AFG2A: variants seen among roughly 807,000 people sequenced by gnomAD.
The protein encoded by AFG2A is AAA ATPase AFG2A.
chr4:122,955,238 A>C, the AFG2A span, among the ~76,000 whole-genome samples: 1 of 151,752 alleles, frequency 6.6e-6, no homozygotes, highest in Non-Finnish European at 1.5e-5. Context: ...TTTATTTGGC[A>C]CCCTCCGTGC....
chr4:123,134,091 T>C, the AFG2A span, among the ~76,000 whole-genome samples: 1 of 152,184 alleles, frequency 6.6e-6, no homozygotes, highest in Non-Finnish European at 1.5e-5. Flanking sequence ...CTCTATTGTT[T>C]CTTTGGTGTG....
the AFG2A span, among the ~76,000 whole-genome samples, chr4:123,233,260 A>AT: frequency 7.9e-5 from 12 of 150,944 alleles, no homozygotes; most frequent in East Asian, 2.4e-3. Context: ...CTTTAAAAAA[A>AT]TTATGTACAC....
the AFG2A span, among the ~76,000 whole-genome samples, chr4:123,100,863 C>G: frequency 6.6e-6 from 1 of 151,918 alleles, no homozygotes; most frequent in South Asian, 2.1e-4. Flanking sequence ...ATTAGCTCCT[C>G]TAAGTTTCTC....
chr4:123,133,399 A>C, the AFG2A span, among the ~76,000 whole-genome samples: 2 of 152,120 alleles, frequency 1.3e-5, no homozygotes, highest in Admixed American at 6.6e-5. Context: ...CTCCTGTAAC[A>C]ATCTGCAGTT....
the AFG2A span, among the ~76,000 whole-genome samples, chr4:123,302,131 C>T: frequency 2.0e-5 from 3 of 152,102 alleles, no homozygotes; most frequent in African/African-American, 4.8e-5. Flanking sequence ...TCCCCCGAGC[C>T]GCTTCCTCCC....
chr4:123,229,765 G>A, the AFG2A span, among the ~76,000 whole-genome samples: 1 of 151,888 alleles, frequency 6.6e-6, no homozygotes, highest in South Asian at 2.1e-4. Flanking sequence ...ATACCTGTAT[G>A]CTGTGTCAGT....
At chr4:123,186,700 A>C in the AFG2A span, among the ~76,000 whole-genome samples, 1 of 152,188 alleles carries the variant, frequency 6.6e-6, no homozygotes, top group African/African-American at 2.4e-5. Flanking sequence ...TAAAAGGAAA[A>C]AATAAAAACT....
chr4:122,992,976 A>ATG, the AFG2A span, among the ~76,000 whole-genome samples: 185 of 142,668 alleles, frequency 1.3e-3, 1 homozygote, highest in African/African-American at 3.7e-3. Flanking sequence ...GTGTGTGTGT[A>ATG]TGTGTGTGTG....
the AFG2A span, among the ~76,000 whole-genome samples, chr4:122,971,234 C>T: frequency 3.3e-5 from 5 of 152,074 alleles, no homozygotes; most frequent in African/African-American, 9.7e-5. Context: ...TAGTGGGACA[C>T]CATCTCTACA....
the AFG2A span, among the ~76,000 whole-genome samples, chr4:122,956,818 TG>T: frequency 6.6e-6 from 1 of 152,198 alleles, no homozygotes; most frequent in Non-Finnish European, 1.5e-5. Context: ...TACTAGTGTA[TG>T]TTGTATTATG....
the AFG2A span, among the ~76,000 whole-genome samples, chr4:123,169,311 CA>C: frequency 3.9e-5 from 6 of 152,100 alleles, no homozygotes; most frequent in Non-Finnish European, 8.8e-5. Context: ...AGATTTTAAT[CA>C]ATGAGTTTCA....
chr4:122,923,375 C>A, the AFG2A span: 1 of 1,593,254 alleles, frequency 6.3e-7, no homozygotes. Context: ...CTCAGTGATA[C>A]TGACTTGGGG....
the AFG2A span, among the ~76,000 whole-genome samples, chr4:123,085,461 G>T: frequency 2.0e-5 from 3 of 151,952 alleles, no homozygotes; most frequent in Admixed American, 1.3e-4. Context: ...ACCCCTTTTG[G>T]TCTCTGAGAA....
At chr4:123,043,505 A>G in the AFG2A span, among the ~76,000 whole-genome samples, 2 of 152,206 alleles carry the variant, frequency 1.3e-5, no homozygotes, top group Non-Finnish European at 2.9e-5. Flanking sequence ...AAGATAAAAA[A>G]TATAAACTTT....
chr4:123,123,951 CAAAA>C, the AFG2A span, among the ~76,000 whole-genome samples: 4 of 35,774 alleles, frequency 1.1e-4, no homozygotes, highest in Admixed American at 4.0e-4. Flanking sequence ...AACTCCGTCT[CAAAA>C]AAAAAAAAAA....
At chr4:122,934,374 A>G in the AFG2A span, 1 of 1,614,242 alleles carries the variant, frequency 6.2e-7, no homozygotes, top group Non-Finnish European at 8.5e-7. Context: ...ACAGAATTAC[A>G]AATAAAGCCA....
At chr4:123,302,190 A>T in the AFG2A span, among the ~76,000 whole-genome samples, 2 of 152,136 alleles carry the variant, frequency 1.3e-5, no homozygotes, top group Non-Finnish European at 2.9e-5. Context: ...AGACTTGGGG[A>T]GGAGTCTTGA....
At chr4:122,999,018 A>G in the AFG2A span, among the ~76,000 whole-genome samples, 1 of 151,860 alleles carries the variant, frequency 6.6e-6, no homozygotes, top group Non-Finnish European at 1.5e-5. Context: ...CTGGTGTGAG[A>G]TGGTATCTCA....
At chr4:123,274,163 C>T in the AFG2A span, among the ~76,000 whole-genome samples, 1 of 151,946 alleles carries the variant, frequency 6.6e-6, no homozygotes, top group African/African-American at 2.4e-5. Context: ...AATATTTGAC[C>T]TGCAATAATC....
Sources: gnomAD v4.1 joint callset for allele counts (sites outside exome capture counted in the v4.1 genomes callset) on GRCh38, gnomAD v4.1.1 for gene constraint, MANE v1.5 for transcripts, NCBI Gene and HGNC (gene_info 2026-07-23, HGNC 2026-07-21) for gene names.